The following EVI5 variants were observed in gnomAD, a reference collection of about 807,000 sequenced individuals.
EVI5 encodes ecotropic viral integration site 5 protein homolog.
A neutral mutation model predicts 112.0 loss-of-function variants in EVI5; 73 were observed. The observed-to-expected ratio is 0.65, with a 90% CI of 0.54 to 0.79. The LOEUF is 0.79. Among genes scored for constraint, EVI5 ranks in the 30% least tolerant of loss-of-function variants. EVI5 has a pLI of 0.00. For synonymous variants in EVI5, 305 were observed against 319.9 expected, an observed-to-expected ratio of 0.95 and a Z score of 0.50; for missense variants, 900 against 968.8, an observed-to-expected ratio of 0.93 and a Z score of 0.94.
chr1:92,545,579 C>A (rs1162525815), intron 19 of EVI5, among the ~76,000 whole-genome samples: 1 of 152,070 alleles, frequency 6.6e-6, no homozygotes, highest in Non-Finnish European at 1.5e-5. Flanking sequence ...CTGAAACACA[C>A]CTCATATGGA....
intron 2 of EVI5, among the ~76,000 whole-genome samples, chr1:92,717,629 G>A (rs770949598): frequency 1.3e-5 from 2 of 152,148 alleles, no homozygotes; most frequent in Non-Finnish European, 2.9e-5. Flanking sequence ...TGAAGAAACT[G>A]TATCAATTAA....
In EVI5 at chr1:92,549,587, G is replaced by A. The variant is rs1464415719; in HGVS notation, c.2166+14055C>T. On this transcript the variant is annotated intron_variant, in intron 19 of 19. Transcript: ENST00000684568. ...ACCTACAGAATGGGAGAAAATTTTC[G>A]CAACCTACTCATCTGACAAAGGGCT... Among the ~76,000 whole-genome samples, 11 of 152,002 alleles carry A rather than the reference G, an allele frequency of 7.2e-5. 1 individual carries two copies. Among genetic ancestry groups the A allele is most frequent in the South Asian group, 6.2e-4 (3 of 4,802 alleles).
In EVI5 at chr1:92,771,299, A is replaced by C. The variant is rs1683376704; in HGVS notation, c.-82+13537T>G. The stretch of plus-strand genomic sequence containing the variant: ...AAATGTTACTGGTCCCCAACATTCC[A>C]ATTCTACTCCATCCTTCCTACACAC... On this transcript the variant is annotated intron_variant, in intron 1 of 19. Transcript: ENST00000684568. Among the ~76,000 whole-genome samples the C allele has an allele frequency of 2.0e-5, 3 of 152,120 alleles. No individual in the cohort carries two copies. The South Asian group carries it at 6.2e-4, about 32-fold the overall frequency.
At chr1:92,634,893 T>C (rs1658400523) in intron 14 of EVI5, among the ~76,000 whole-genome samples, 1 of 152,230 alleles carries the variant, frequency 6.6e-6, no homozygotes, top group African/African-American at 2.4e-5. Flanking sequence ...GTTTTCCTTC[T>C]ACCAGTCAGG....
upstream of EVI5, among the ~76,000 whole-genome samples, chr1:92,785,941 C>A (rs1685590907): frequency 6.6e-6 from 1 of 151,582 alleles, no homozygotes; most frequent in South Asian, 2.1e-4. Context: ...AAAAAAATAG[C>A]CCGGCGTCGT....
At chr1:92,589,556 C>T (rs765331169) in intron 18 of EVI5, among the ~76,000 whole-genome samples, 17 of 152,126 alleles carry the variant, frequency 1.1e-4, no homozygotes, top group African/African-American at 3.4e-4. Flanking sequence ...AAGGCGGCAG[C>T]GAGGCTGGGG....
At chr1:92,591,202 C>G (rs976922418) in intron 18 of EVI5, among the ~76,000 whole-genome samples, 7 of 152,188 alleles carry the variant, frequency 4.6e-5, no homozygotes, top group Non-Finnish European at 8.8e-5. Context: ...GAAACTGCAT[C>G]AACTAACGAG....
At chr1:92,782,071 C>T (rs1684937945) in intron 1 of EVI5, among the ~76,000 whole-genome samples, 1 of 151,132 alleles carries the variant, frequency 6.6e-6, no homozygotes, top group Admixed American at 6.6e-5. Context: ...CCACCCTGGC[C>T]AACATGGTGA....
chr1:92,786,898 G>A (rs539409111), upstream of EVI5, among the ~76,000 whole-genome samples: 2 of 152,148 alleles, frequency 1.3e-5, no homozygotes, highest in African/African-American at 2.4e-5. Flanking sequence ...CCTATTTACC[G>A]GCTTCCTGGC....
chr1:92,634,831 T>C (rs1392302699), intron 14 of EVI5, among the ~76,000 whole-genome samples: 2 of 152,216 alleles, frequency 1.3e-5, no homozygotes, highest in African/African-American at 4.8e-5. Flanking sequence ...TGGTCTTCAA[T>C]GGTGGTGACG....
At chr1:92,520,677 CCT>C (rs1660750339) in intron 19 of EVI5, among the ~76,000 whole-genome samples, 1 of 151,458 alleles carries the variant, frequency 6.6e-6, no homozygotes, top group South Asian at 2.1e-4. Context: ...AATGTGAGAC[CCT>C]GTCTCTACAA....
chr1:92,518,489 C>T (rs959061471), intron 19 of EVI5, among the ~76,000 whole-genome samples: 2 of 152,024 alleles, frequency 1.3e-5, no homozygotes, highest in Admixed American at 6.6e-5. Context: ...TCAGTTTGAT[C>T]ACCCTACAAT....
intron 13 of EVI5, among the ~76,000 whole-genome samples, chr1:92,660,804 G>A (rs1663861717): frequency 6.6e-6 from 1 of 151,976 alleles, no homozygotes; most frequent in Admixed American, 6.5e-5. Flanking sequence ...GGTTGCTGGG[G>A]TTGGGGGGTG....
rs917629618 is a variant in EVI5 at position 92,646,247 on chromosome 1, A to C, written c.1393-9911T>G. On this transcript the variant is annotated intron_variant, in intron 13 of 19. Transcript: ENST00000684568. ...TCAGCATTCTAAACATACAAAAAAA[A>C]CCCCAGAACACTGAAAATCACATTT... 9.2e-5 allele frequency among the ~76,000 whole-genome samples: 14 copies of C among 152,280 alleles called. No individual in the cohort carries two copies. In the East Asian group the frequency reaches 1.7e-3, roughly 19 times the overall value.
At chr1:92,646,925 A>T in intron 13 of EVI5, 1 of 214,566 alleles carries the variant, frequency 4.7e-6, no homozygotes, top group Non-Finnish European at 9.9e-6. Context: ...ATTGTGATCA[A>T]ATTCTGTAAT....
intron 9 of EVI5, among the ~76,000 whole-genome samples, chr1:92,686,674 G>A (rs1668583681): frequency 6.6e-6 from 1 of 152,194 alleles, no homozygotes; most frequent in East Asian, 1.9e-4. Context: ...ATCTCCTTAA[G>A]CTGATAAACA....
At chr1:92,742,720 C>T (rs1178074284) in intron 1 of EVI5, among the ~76,000 whole-genome samples, 1 of 151,732 alleles carries the variant, frequency 6.6e-6, no homozygotes, top group Non-Finnish European at 1.5e-5. Flanking sequence ...CAAATCAAAA[C>T]CACAATGAGA....
At chr1:92,555,500 C>T (rs1375917361) in intron 19 of EVI5, among the ~76,000 whole-genome samples, 3 of 152,096 alleles carry the variant, frequency 2.0e-5, no homozygotes, top group Non-Finnish European at 4.4e-5. Context: ...AACTAGGTAA[C>T]ATACTTGGAA....
chr1:92,662,842 C>A lies in EVI5; in HGVS notation c.1269G>T (p.Glu423Asp). Residue 423 changes from glutamate (E) to aspartate (D), a missense_variant, in exon 13 of 20, where the codon GAG (glutamate) becomes GAT (aspartate). Glu to Asp is a conservative substitution (Grantham distance 45). Transcript: ENST00000684568. ...GTTTTATGAGGTAGTTTTCCTCAGC[C>A]TCCTGGGCTCTTGTCACTTGTCCCT... ...LIQGQVTRAQ[E>D]AEENYLIKRE... The A allele has an allele frequency of 7.8e-7, 1 of 1,288,202 alleles. No individual in the cohort carries two copies. The highest frequency in any genetic ancestry group is 1.0e-6 in the Non-Finnish European group (1 of 988,452). The allele number at this position is 1,288,202 out of a possible 1,614,324, so 79.8% of individuals were successfully genotyped here.
Sources: gnomAD v4.1 joint callset for allele counts (sites outside exome capture counted in the v4.1 genomes callset) on GRCh38, gnomAD v4.1.1 for gene constraint, MANE v1.5 for transcripts, NCBI Gene and HGNC (gene_info 2026-07-23, HGNC 2026-07-21) for gene names.